Variants in JPH3 observed in about 807,000 individuals in gnomAD.
JPH3 encodes the protein junctophilin-3.
In JPH3, 11 loss-of-function variants were observed where a neutral mutation model predicts 59.6. The observed-to-expected ratio is 0.18, with a 90% CI of 0.12 to 0.31. The LOEUF (loss-of-function observed/expected upper bound fraction) is 0.31. JPH3 is among the 10% of genes least tolerant of loss of function. JPH3 has a pLI of 1.00. For synonymous variants in JPH3, 673 were observed against 483.6 expected (o/e 1.39, Z -5.14); for missense variants, 1,202 against 1,105.7 (o/e 1.09, Z -1.24).
At chr16:87,618,165 A>G (rs2031043132) in intron 1 of JPH3, among the ~76,000 whole-genome samples, 1 of 152,208 alleles carries the variant, frequency 6.6e-6, no homozygotes, top group African/African-American at 2.4e-5. Context: ...CGCTGTCTCA[A>G]AAAAATAAAT....
At chr16:87,627,741 G>A (rs1467845923) in intron 1 of JPH3, among the ~76,000 whole-genome samples, 2 of 152,198 alleles carry the variant, frequency 1.3e-5, no homozygotes, top group African/African-American at 4.8e-5. Context: ...ACGTGGCTAG[G>A]AAGCTAACAG....
At chr16:87,696,459 C>T (rs1359827832) in intron 4 of JPH3, 121 bp from the exon 5 acceptor site, 9 of 794,984 alleles carry the variant, frequency 1.1e-5, no homozygotes, top group Non-Finnish European at 1.7e-5. Context: ...CTAACATCCT[C>T]CCGTACGCTT....
At chr16:87,667,184 C>G (rs902525512) in intron 2 of JPH3, among the ~76,000 whole-genome samples, 8 of 152,210 alleles carry the variant, frequency 5.3e-5, no homozygotes, top group Non-Finnish European at 8.8e-5. Context: ...TTCTCTGTCT[C>G]TTAGCTCCCT....
chr16:87,623,079 G>C (rs2031247782), intron 1 of JPH3, among the ~76,000 whole-genome samples: 1 of 152,196 alleles, frequency 6.6e-6, no homozygotes, highest in Non-Finnish European at 1.5e-5. Flanking sequence ...CAGATTCTGA[G>C]GCAGCAGTGG....
intron 1 of JPH3, chr16:87,604,936 C>G: frequency 2.2e-6 from 1 of 451,390 alleles, no homozygotes. Context: ...CGCTGAGGGC[C>G]GGGCGGGAGC....
rs1306357450 is a variant in JPH3, at chr16:87,611,874, T to C, written c.382+8346T>C. On this transcript the variant is annotated intron_variant, in intron 1 of 4. Coordinates refer to ENST00000284262, the MANE Select transcript of JPH3 (RefSeq NM_020655.4). This position sits in a 1 kb window ranked among gnomAD's most constrained non-coding sequence, Gnocchi z 4.5. Reference sequence around the variant, plus strand: ...TCCTAAGCCTGGCTACACATTCGAGTCACTAAGAATGTCCCTGGGAGACGG... The same window carrying C: ...TCCTAAGCCTGGCTACACATTCGAGCCACTAAGAATGTCCCTGGGAGACGG... 6.6e-6 allele frequency among the ~76,000 whole-genome samples: 1 copy of C among 152,136 alleles called. No homozygotes were observed. The highest frequency in any genetic ancestry group is 2.4e-5 in the African/African-American group (1 of 41,424).
At chr16:87,630,995 T>G (rs540080167) in intron 1 of JPH3, among the ~76,000 whole-genome samples, 1 of 152,364 alleles carries the variant, frequency 6.6e-6, no homozygotes, top group South Asian at 2.1e-4. Context: ...CATGCATAAC[T>G]TGAGTTAGTA....
intron 2 of JPH3, among the ~76,000 whole-genome samples, chr16:87,660,162 G>A (rs769056095): frequency 6.6e-6 from 1 of 152,128 alleles, no homozygotes; most frequent in South Asian, 2.1e-4. Context: ...GGGGAGAGAC[G>A]GCAGTGCACA....
At chr16:87,694,768 C>G (rs1425548591) in intron 4 of JPH3, 1 of 174,986 alleles carries the variant, frequency 5.7e-6, no homozygotes, top group Non-Finnish European at 1.2e-5. Flanking sequence ...CTATCTAGAT[C>G]AGCTCCATCA....
At chr16:87,627,466 C>T (rs866255054) in intron 1 of JPH3, among the ~76,000 whole-genome samples, 18 of 152,254 alleles carry the variant, frequency 1.2e-4, no homozygotes, top group Middle Eastern at 3.4e-3. Context: ...GGGTGGGCCT[C>T]GTGCCCAGTG....
rs568180623 is a variant in JPH3 at position 87,649,573 on chromosome 16, A to G, written c.1160+4538A>G. Among the ~76,000 whole-genome samples, 9 of 152,324 alleles carry G rather than the reference A, an allele frequency of 5.9e-5. No individual in the cohort carries two copies. The South Asian group carries it at 1.9e-3, about 32-fold the overall frequency. ...CCCATCCTAGAGAAGAAAGTCCTGC[A>G]GTGTGACATGGCTTCATTTTCAACA... On this transcript the variant is annotated intron_variant, in intron 2 of 4. Coordinates refer to ENST00000284262, the MANE Select transcript of JPH3 (RefSeq NM_020655.4).
intron 1 of JPH3, among the ~76,000 whole-genome samples, chr16:87,606,302 T>C (rs2030518774): frequency 6.6e-6 from 1 of 152,234 alleles, no homozygotes; most frequent in South Asian, 2.1e-4. Flanking sequence ...GGGCGCTGAC[T>C]TGGGGAAATG....
chr16:87,618,603 C>T (rs1029422534), intron 1 of JPH3, among the ~76,000 whole-genome samples: 10 of 152,216 alleles, frequency 6.6e-5, no homozygotes, highest in African/African-American at 1.7e-4. Context: ...ACTGTTTACT[C>T]GTTCCCGCCA....
At chr16:87,667,079 TGGGGA>T (rs542710924) in intron 2 of JPH3, among the ~76,000 whole-genome samples, 1 of 152,314 alleles carries the variant, frequency 6.6e-6, no homozygotes, top group South Asian at 2.1e-4. Flanking sequence ...CTGCAGCCTC[TGGGGA>T]GGGTCCCTTC....
intron 2 of JPH3, among the ~76,000 whole-genome samples, chr16:87,661,750 C>T (rs985702080): frequency 3.3e-5 from 5 of 152,188 alleles, no homozygotes; most frequent in Admixed American, 6.5e-5. Context: ...CGCCACGGGG[C>T]GGGGAGAGAA....
chr16:87,673,226 GA>G lies in JPH3; in HGVS notation c.1161-10907del, dbSNP rs528173787. ...ATAAAACACTTCTACAAATCGACAA[GA>G]AAAAAAAATCAACCGCACTCTTAAT... On this transcript the variant is annotated intron_variant, in intron 2 of 4. Coordinates refer to ENST00000284262, the MANE Select transcript of JPH3 (RefSeq NM_020655.4). Among the ~76,000 whole-genome samples the G allele has an allele frequency of 9.4e-3, 1,402 of 148,398 alleles. 20 individuals are homozygous for G. Among genetic ancestry groups the G allele is most frequent in the African/African-American group, 0.03 (1,224 of 40,246 alleles).
At position 87,603,448 on chromosome 16, in the gene JPH3, C is replaced by T. The variant is rs367900850; in HGVS notation, c.302C>T (p.Ala101Val). ...GGGCGCTACGGGGTGCGGGAGTGCG[C>T]GGGCAACGGGGCCAAATACGAAGGG... ...FKGRYGVREC[A>V]GNGAKYEGTW... The change falls in exon 1 of 5, where the codon GCG (alanine) becomes GTG (valine). Residue 101 changes from alanine (A) to valine (V), a missense_variant. Physicochemically the swap from Ala to Val is moderately conservative, Grantham distance 64 (BLOSUM62 0). Coordinates refer to ENST00000284262, the MANE Select transcript of JPH3 (RefSeq NM_020655.4). 2.6e-6 allele frequency: 4 copies of T among 1,565,826 alleles called. No homozygotes were observed. In the African/African-American group the frequency reaches 5.4e-5, roughly 21 times the overall value.
intron 2 of JPH3, among the ~76,000 whole-genome samples, chr16:87,672,209 G>C (rs1010463965): frequency 3.9e-5 from 6 of 152,124 alleles, no homozygotes; most frequent in African/African-American, 1.4e-4. Flanking sequence ...CAGCAAGGAG[G>C]GGGAGATCAA....
At chr16:87,632,705 C>A (rs1043870925) in intron 1 of JPH3, among the ~76,000 whole-genome samples, 2 of 152,166 alleles carry the variant, frequency 1.3e-5, no homozygotes, top group African/African-American at 2.4e-5. Context: ...CCAGCCTAGC[C>A]AACATGGTGA....
Sources: gnomAD v4.1 joint callset for allele counts (sites outside exome capture counted in the v4.1 genomes callset) on GRCh38, gnomAD v4.1.1 for gene constraint, Gnocchi (gnomAD v3.1) non-coding constraint, MANE v1.5 for transcripts, NCBI Gene and HGNC (gene_info 2026-07-23, HGNC 2026-07-21) for gene names.